Variants in RGS5 observed in about 807,000 individuals in gnomAD.
RGS5 encodes regulator of G protein signaling 5, also known as regulator of G-protein signalling 5.
RGS5 carries 20 observed loss-of-function variants against 18.9 expected under a neutral mutation model. That is an observed-to-expected ratio of 1.06 (90% CI 0.74 to 1.54). The LOEUF (loss-of-function observed/expected upper bound fraction) is 1.54, where lower values mean the gene tolerates loss of function less well. Among genes scored for constraint, RGS5 ranks in the 40% most tolerant of loss-of-function variants. The pLI is 0.00. For synonymous variants in RGS5, 57 were observed against 76.2 expected, an observed-to-expected ratio of 0.75 and a Z score of 1.31; for missense variants, 201 against 211.8, an observed-to-expected ratio of 0.95 and a Z score of 0.32.
intron 2 of RGS5, among the ~76,000 whole-genome samples, chr1:163,165,462 G>A (rs994358169): frequency 6.6e-6 from 1 of 152,194 alleles, no homozygotes; most frequent in Non-Finnish European, 1.5e-5. Context: ...TATGTGGTTG[G>A]CTAATGTTGT....
At chr1:163,255,033 C>T (rs1648232578) in intron 2 of RGS5, among the ~76,000 whole-genome samples, 2 of 152,160 alleles carry the variant, frequency 1.3e-5, no homozygotes, top group Non-Finnish European at 2.9e-5. Flanking sequence ...CAGTACCATG[C>T]TGTTTTGGTT....
chr1:163,316,732 A>G (rs1308042834), intron 1 of RGS5, among the ~76,000 whole-genome samples: 1 of 152,236 alleles, frequency 6.6e-6, no homozygotes, highest in Non-Finnish European at 1.5e-5. Context: ...TTTATTTCTC[A>G]GGAAATAGAA....
At chr1:163,207,300 TA>T (rs1357661064), upstream of RGS5, among the ~76,000 whole-genome samples, 5 of 152,352 alleles carry the variant, frequency 3.3e-5, no homozygotes, top group African/African-American at 9.6e-5. Context: ...AGGTCATTTC[TA>T]ATTGTTTGCT....
At chr1:163,208,077 T>A (rs531626068) in intron 1 of RGS5, among the ~76,000 whole-genome samples, 1 of 152,162 alleles carries the variant, frequency 6.6e-6, no homozygotes, top group Non-Finnish European at 1.5e-5. Context: ...AAGTTTTAGT[T>A]AGGCTTACAA....
At chr1:163,172,907 G>A (rs979331154) in intron 1 of RGS5, among the ~76,000 whole-genome samples, 20 of 152,162 alleles carry the variant, frequency 1.3e-4, no homozygotes, top group Admixed American at 1.2e-3. Flanking sequence ...AGAATCCCTG[G>A]AATATTATTT....
intron 2 of RGS5, among the ~76,000 whole-genome samples, chr1:163,296,816 A>C (rs1474762635): frequency 6.6e-6 from 1 of 152,188 alleles, no homozygotes. Context: ...AGAAGAACAG[A>C]ATATGCCACC....
At chr1:163,289,461 G>A (rs1008558342) in intron 2 of RGS5, among the ~76,000 whole-genome samples, 1 of 151,938 alleles carries the variant, frequency 6.6e-6, no homozygotes, top group Non-Finnish European at 1.5e-5. Context: ...GCTGTCTAAT[G>A]AGACAGTAAG....
rs948422040 is a variant in RGS5 at position 163,301,823 on chromosome 1, A to G, written c.-281+4410T>C. On this transcript the variant is annotated intron_variant, in intron 2 of 5. Coordinates refer to the RGS5 transcript ENST00000618415. Reference sequence around the variant, plus strand: ...GGTCAGGGTGTAAATAATTAAATAGAAATTCTTGCTTTCACTTCATAATTA... The same window carrying G: ...GGTCAGGGTGTAAATAATTAAATAGGAATTCTTGCTTTCACTTCATAATTA... Among the ~76,000 whole-genome samples, 11 of 152,272 alleles carry G rather than the reference A, an allele frequency of 7.2e-5. No individual in the cohort carries two copies. The South Asian group carries it at 1.4e-3, about 20-fold the overall frequency.
At chr1:163,294,885 C>T (rs1396328170) in intron 2 of RGS5, among the ~76,000 whole-genome samples, 2 of 152,190 alleles carry the variant, frequency 1.3e-5, no homozygotes, top group African/African-American at 4.8e-5. Flanking sequence ...TCATCTCTTT[C>T]AAGTTCAAAG....
intron 1 of RGS5, among the ~76,000 whole-genome samples, chr1:163,193,386 T>C (rs575118501): frequency 5.3e-5 from 8 of 152,194 alleles, no homozygotes; most frequent in Non-Finnish European, 1.0e-4. Context: ...AAATATTTTC[T>C]TTTTGAAGGA....
At chr1:163,249,780 G>C (rs1045808304) in intron 2 of RGS5, among the ~76,000 whole-genome samples, 18 of 152,142 alleles carry the variant, frequency 1.2e-4, no homozygotes, top group African/African-American at 4.3e-4. Context: ...AACAGAGCAA[G>C]ACTCCATCTC....
rs769027097 is a variant in RGS5 at position 163,161,981 on chromosome 1, A to G, written c.156-5T>C. On this transcript the variant is annotated splice_region_variant and splice_polypyrimidine_tract_variant and intron_variant, in intron 2 of 4. Transcript: ENST00000313961. Reference sequence around the variant, plus strand: ...AGGGCCTCGTCCAGCGAGGTTCTACATCAATAATAAGGAGAGAAAAGGGGT... The same window carrying G: ...AGGGCCTCGTCCAGCGAGGTTCTACGTCAATAATAAGGAGAGAAAAGGGGT... 5.6e-6 allele frequency: 9 copies of G among 1,611,362 alleles called. No individual in the cohort carries two copies. The East Asian group carries it at 6.7e-5, about 12-fold the overall frequency.
Sources: gnomAD v4.1 joint callset for allele counts (sites outside exome capture counted in the v4.1 genomes callset) on GRCh38, gnomAD v4.1.1 for gene constraint, MANE v1.5 for transcripts, NCBI Gene and HGNC (gene_info 2026-07-23, HGNC 2026-07-21) for gene names.